Variants in GRM7 observed in about 807,000 individuals in gnomAD.
GRM7 encodes glutamate metabotropic receptor 7, also known as metabotropic glutamate receptor 7.
A neutral mutation model predicts 84.5 loss-of-function variants in GRM7; 35 were observed. That is an observed-to-expected ratio of 0.41 (90% CI 0.32 to 0.55). The LOEUF (loss-of-function observed/expected upper bound fraction) is 0.55, where lower values mean the gene tolerates loss of function less well. Ranked by LOEUF, GRM7 falls within the 20% of genes least tolerant of loss-of-function variation. The pLI is 0.19. For synonymous variants in GRM7, 487 were observed against 455.1 expected, an observed-to-expected ratio of 1.07 and a Z score of -0.89; for missense variants, 1,003 against 1,194.6, an observed-to-expected ratio of 0.84 and a Z score of 2.36.
intron 1 of GRM7, among the ~76,000 whole-genome samples, chr3:6,982,253 C>T (rs1036190652): frequency 4.6e-5 from 7 of 152,030 alleles, no homozygotes; most frequent in Admixed American, 6.6e-5. Flanking sequence ...ATTGGGTATA[C>T]GTGGCTATAA....
intron 1 of GRM7, among the ~76,000 whole-genome samples, chr3:6,868,463 T>A (rs1353012544): frequency 6.6e-6 from 1 of 152,170 alleles, no homozygotes; most frequent in Non-Finnish European, 1.5e-5. Flanking sequence ...CACAAACCCT[T>A]ACCTCCAAAT....
At chr3:7,348,204 T>C (rs1185961059) in intron 4 of GRM7, among the ~76,000 whole-genome samples, 2 of 152,134 alleles carry the variant, frequency 1.3e-5, no homozygotes, top group African/African-American at 4.8e-5. Flanking sequence ...AATCTGGCAT[T>C]CCAGGCCATA....
chr3:7,103,460 A>C (rs944922599), intron 1 of GRM7, among the ~76,000 whole-genome samples: 2 of 151,788 alleles, frequency 1.3e-5, no homozygotes, highest in African/African-American at 2.4e-5. Context: ...AGTTCCCCCC[A>C]CACAAATTTA....
rs1450888108 is a variant in GRM7, at chr3:7,578,991, A to T, written c.2085A>T (p.Arg695Ser). 1 of 1,614,090 alleles carries T rather than the reference A, an allele frequency of 6.2e-7. No individual in the cohort carries two copies. The highest frequency in any genetic ancestry group is 1.7e-5 in the Admixed American group (1 of 60,010). Residue 695 changes from arginine to serine, a missense_variant, in exon 8 of 10, where the codon AGA becomes AGT. Around this residue, in one of 2 missense-constraint regions of GRM7, gnomAD observed 910 missense variants for 1,126.0 expected, o/e 0.81. Transcript: ENST00000357716. ...GCAAGAAATCAGTAACAGCTCCCAG[A>T]CTCATAAGCCCAACATCACAACTGG... Reference protein sequence around the residue: ...EQGKKSVTAPRLISPTSQLAI... With the variant: ...EQGKKSVTAPSLISPTSQLAI...
At chr3:7,333,445 C>T (rs2125068682) in intron 4 of GRM7, among the ~76,000 whole-genome samples, 1 of 152,318 alleles carries the variant, frequency 6.6e-6, no homozygotes, top group South Asian at 2.1e-4. Context: ...AGGAAAGCAC[C>T]ACATCGAGGG....
chr3:6,934,233 TTGAATGAA>T (rs1255297402), intron 1 of GRM7, among the ~76,000 whole-genome samples: 1 of 152,182 alleles, frequency 6.6e-6, no homozygotes, highest in Non-Finnish European at 1.5e-5. Flanking sequence ...AAAATCTCCC[TTGAATGAA>T]TGGATGAGCC....
intron 7 of GRM7, among the ~76,000 whole-genome samples, chr3:7,521,638 CT>C (rs1700598539): frequency 6.6e-6 from 1 of 152,126 alleles, no homozygotes; most frequent in African/African-American, 2.4e-5. Flanking sequence ...CTCTAATGGA[CT>C]AAGACAATCA....
intron 1 of GRM7, among the ~76,000 whole-genome samples, chr3:6,947,642 C>A (rs1425256870): frequency 6.6e-6 from 1 of 152,134 alleles, no homozygotes; most frequent in Non-Finnish European, 1.5e-5. Context: ...CCAGCTCCTC[C>A]TTGTACCTCT....
intron 2 of GRM7, among the ~76,000 whole-genome samples, chr3:7,283,498 G>A (rs1010568133): frequency 6.6e-6 from 1 of 152,040 alleles, no homozygotes; most frequent in African/African-American, 2.4e-5. Context: ...TGGGAATGTT[G>A]ATTTAATGGA....
chr3:7,513,470 A>C (rs760048375), intron 7 of GRM7, among the ~76,000 whole-genome samples: 6 of 152,072 alleles, frequency 3.9e-5, no homozygotes, highest in Middle Eastern at 3.4e-3. Context: ...CCTCCTCCAC[A>C]TTGAAGAAGA....
chr3:7,701,629 C>A (rs1346405422), intron 9 of GRM7, among the ~76,000 whole-genome samples: 1 of 152,096 alleles, frequency 6.6e-6, no homozygotes, highest in Non-Finnish European at 1.5e-5. Context: ...TCCCTTCAGG[C>A]CTCAGTAAGA....
chr3:6,864,182 G>A (rs1156585002), intron 1 of GRM7, among the ~76,000 whole-genome samples: 1 of 152,182 alleles, frequency 6.6e-6, no homozygotes, highest in Non-Finnish European at 1.5e-5. Context: ...GAATAGCTGA[G>A]GGAAAAAGAG....
At chr3:7,653,444 C>A (rs1425823704) in intron 8 of GRM7, among the ~76,000 whole-genome samples, 1 of 152,084 alleles carries the variant, frequency 6.6e-6, no homozygotes, top group Non-Finnish European at 1.5e-5. Context: ...CATTGGATTT[C>A]TCTGAGGAAG....
intron 9 of GRM7, among the ~76,000 whole-genome samples, chr3:7,689,663 T>C (rs1000345415): frequency 6.6e-6 from 1 of 152,218 alleles, no homozygotes; most frequent in African/African-American, 2.4e-5. Flanking sequence ...TTTACATGGC[T>C]ACTACTTCTC....
intron 1 of GRM7, among the ~76,000 whole-genome samples, chr3:7,116,763 G>A (rs1408521992): frequency 2.0e-5 from 3 of 151,880 alleles, no homozygotes; most frequent in Non-Finnish European, 4.4e-5. Context: ...AAATTTTGAG[G>A]TTTATTTTGT....
In GRM7 at chr3:7,554,943, G is replaced by T. The variant is rs1693686764; in HGVS notation, c.1516-23479G>T. ...CCTGCCCCAAGGGAGAGTGGCAGTGGATAGGGAGAGTGATCTCTTAGGGTG... is the reference window on the plus strand; with the variant it reads ...CCTGCCCCAAGGGAGAGTGGCAGTGTATAGGGAGAGTGATCTCTTAGGGTG... On this transcript the variant is annotated intron_variant, in intron 7 of 9. Coordinates refer to ENST00000357716, the MANE Select transcript of GRM7 (RefSeq NM_000844.4). Among the ~76,000 whole-genome samples the T allele has an allele frequency of 2.0e-5, 3 of 152,290 alleles. No individual in the cohort carries two copies. In the South Asian group the frequency reaches 6.2e-4, roughly 32 times the overall value.
chr3:7,498,120 G>A (rs1304907862), intron 7 of GRM7, among the ~76,000 whole-genome samples: 1 of 152,094 alleles, frequency 6.6e-6, no homozygotes, highest in Non-Finnish European at 1.5e-5. Context: ...GCCTGTTGGG[G>A]TTCTATAGCT....
chr3:7,361,001 A>T (rs9879938), intron 4 of GRM7, among the ~76,000 whole-genome samples: 89,015 of 151,334 alleles, frequency 0.59, 27,107 homozygotes, highest in African/African-American at 0.76. Flanking sequence ...GTGGCTCTTG[A>T]ACTGATGCCT....
intron 1 of GRM7, among the ~76,000 whole-genome samples, chr3:7,114,754 A>G (rs955131871): frequency 1.3e-5 from 2 of 152,182 alleles, no homozygotes; most frequent in African/African-American, 4.8e-5. Flanking sequence ...AATTGGGAGT[A>G]TAACATAGCA....
Sources: gnomAD v4.1 joint callset for allele counts (sites outside exome capture counted in the v4.1 genomes callset) on GRCh38, gnomAD v4.1.1 for gene constraint, gnomAD v4.1.1 regional missense constraint, MANE v1.5 for transcripts, NCBI Gene and HGNC (gene_info 2026-07-23, HGNC 2026-07-21) for gene names.